Variants in ESRRG observed in about 807,000 individuals in gnomAD.
ESRRG encodes estrogen related receptor gamma.
ESRRG carries 13 observed loss-of-function variants against 44.0 expected under a neutral mutation model. That is an observed-to-expected ratio of 0.30 (90% CI 0.19 to 0.47). The LOEUF (loss-of-function observed/expected upper bound fraction) is 0.47. Ranked by LOEUF, ESRRG falls within the 20% of genes least tolerant of loss-of-function variation. The pLI is 1.00. For missense variants in ESRRG, 395 were observed against 580.6 expected (o/e 0.68, Z 3.29); for synonymous variants, 215 against 214.6 (o/e 1.00, Z -0.02).
chr1:217,085,481 A>ATTTTT (rs148354268), intron 1 of ESRRG, among the ~76,000 whole-genome samples: 6 of 49,130 alleles, frequency 1.2e-4, no homozygotes, highest in African/African-American at 1.8e-4. Context: ...TTTTCTTTTC[A>ATTTTT]TTTTTTTTTT....
At chr1:216,565,058 T>C (rs780030202) in intron 4 of ESRRG, among the ~76,000 whole-genome samples, 23 of 152,240 alleles carry the variant, frequency 1.5e-4, no homozygotes, top group Non-Finnish European at 2.9e-4. Flanking sequence ...TCATTTTCTC[T>C]TCTGTGTGTC....
chr1:217,023,875 C>T lies in ESRRG; in HGVS notation c.-106+65632G>A, dbSNP rs2080757314. 2.0e-5 allele frequency among the ~76,000 whole-genome samples: 3 copies of T among 152,214 alleles called. No individual in the cohort carries two copies. The South Asian group carries it at 6.2e-4, about 31-fold the overall frequency. ...CAGAGCTAACTAGTTCCAGATCAGT[C>T]TGTGAAGTCACCATGCATGGCAATG... is the stretch of plus-strand genomic sequence containing the variant. On this transcript the variant is annotated intron_variant, in intron 1 of 7. Coordinates refer to the ESRRG transcript ENST00000359162.
At chr1:216,953,533 G>T (rs757996459) in intron 1 of ESRRG, among the ~76,000 whole-genome samples, 3 of 151,848 alleles carry the variant, frequency 2.0e-5, no homozygotes, top group African/African-American at 7.3e-5. Flanking sequence ...TCAGAGATTT[G>T]TTGTCTTCTT....
chr1:216,652,877 C>T (rs2069357419), intron 2 of ESRRG, among the ~76,000 whole-genome samples: 2 of 152,156 alleles, frequency 1.3e-5, no homozygotes. Flanking sequence ...TAGATCCTTC[C>T]ACCCTGTTCG....
chr1:217,013,131 A>G (rs1421955766), intron 1 of ESRRG, among the ~76,000 whole-genome samples: 1 of 152,234 alleles, frequency 6.6e-6, no homozygotes, highest in Non-Finnish European at 1.5e-5. Context: ...TTACCTCTGG[A>G]AAGGCTCTAT....
At chr1:216,607,452 G>C (rs142565799) in intron 3 of ESRRG, among the ~76,000 whole-genome samples, 1 of 152,314 alleles carries the variant, frequency 6.6e-6, no homozygotes, top group African/African-American at 2.4e-5. Flanking sequence ...GTGGGCGCTT[G>C]CACGGCAATT....
At chr1:216,825,600 G>A (rs2095377690) in intron 2 of ESRRG, among the ~76,000 whole-genome samples, 1 of 152,134 alleles carries the variant, frequency 6.6e-6, no homozygotes, top group South Asian at 2.1e-4. Flanking sequence ...GAAGACGAAT[G>A]GGAAAGAGAA....
At chr1:216,579,954 C>T (rs867726770) in intron 3 of ESRRG, among the ~76,000 whole-genome samples, 2 of 152,102 alleles carry the variant, frequency 1.3e-5, no homozygotes, top group African/African-American at 2.4e-5. Context: ...TAACTGCAAA[C>T]GTCAAGGTAT....
At chr1:216,893,749 AT>A (rs1174421543) in intron 2 of ESRRG, among the ~76,000 whole-genome samples, 1 of 152,156 alleles carries the variant, frequency 6.6e-6, no homozygotes, top group African/African-American at 2.4e-5. Context: ...TAAAAAGCTT[AT>A]TGGAAAAACA....
intron 2 of ESRRG, among the ~76,000 whole-genome samples, chr1:216,916,159 T>A (rs1278112541): frequency 6.6e-6 from 1 of 152,080 alleles, no homozygotes; most frequent in Non-Finnish European, 1.5e-5. Flanking sequence ...AGAGAAGCAA[T>A]TGAGTTGAGA....
intron 2 of ESRRG, among the ~76,000 whole-genome samples, chr1:216,930,433 C>T (rs1191711388): frequency 1.3e-5 from 2 of 152,166 alleles, no homozygotes; most frequent in Non-Finnish European, 2.9e-5. Flanking sequence ...AGCTTCAACC[C>T]CCCATTTTCA....
At chr1:217,012,044 CT>C (rs1421011371) in intron 1 of ESRRG, among the ~76,000 whole-genome samples, 1 of 152,056 alleles carries the variant, frequency 6.6e-6, no homozygotes, top group Non-Finnish European at 1.5e-5. Context: ...AAAAGGGACT[CT>C]TTTTAAGAAG....
intron 2 of ESRRG, among the ~76,000 whole-genome samples, chr1:216,808,444 A>G (rs558671942): frequency 4.6e-5 from 7 of 152,098 alleles, no homozygotes; most frequent in African/African-American, 1.4e-4. Context: ...TTACGTATGT[A>G]TTTATTGAGA....
At chr1:217,122,734 G>T in intron 1 of ESRRG, among the ~76,000 whole-genome samples, 1 of 141,352 alleles carries the variant, frequency 7.1e-6, no homozygotes, top group East Asian at 2.1e-4. Context: ...ACAATGGCTC[G>T]ATCTCAGCTC....
chr1:216,683,171 G>C (rs1027041058), intron 1 of ESRRG, among the ~76,000 whole-genome samples: 1 of 152,134 alleles, frequency 6.6e-6, no homozygotes, highest in Non-Finnish European at 1.5e-5. Context: ...GGGAAAAGAA[G>C]AGAAAGGATT....
chr1:216,889,377 G>A (rs964077970), intron 2 of ESRRG, among the ~76,000 whole-genome samples: 7 of 152,200 alleles, frequency 4.6e-5, no homozygotes, highest in Non-Finnish European at 1.0e-4. Context: ...TTTGCAGAAA[G>A]CAATTCAGCA....
intron 2 of ESRRG, among the ~76,000 whole-genome samples, chr1:216,659,818 C>A (rs1274433656): frequency 6.6e-6 from 1 of 152,130 alleles, no homozygotes; most frequent in African/African-American, 2.4e-5. Flanking sequence ...TTATATGTAT[C>A]TGTGGAATTG....
chr1:217,117,743 T>C (rs1310768432), intron 1 of ESRRG, among the ~76,000 whole-genome samples: 1 of 152,162 alleles, frequency 6.6e-6, no homozygotes, highest in Non-Finnish European at 1.5e-5. Context: ...TTCTTTGGCT[T>C]TCTCTTTACC....
chr1:217,129,597 A>G (rs2092937695), intron 1 of ESRRG, among the ~76,000 whole-genome samples: 1 of 152,240 alleles, frequency 6.6e-6, no homozygotes, highest in Admixed American at 6.5e-5. Context: ...ATAATATTGA[A>G]TACTATTCAG....
Sources: allele counts gnomAD v4.1 joint callset (sites outside exome capture counted in the v4.1 genomes callset), GRCh38; gene constraint gnomAD v4.1.1; transcripts MANE v1.5; gene names NCBI Gene and HGNC (gene_info 2026-07-23, HGNC 2026-07-21).